MIDEAS: variants seen among roughly 807,000 people sequenced by gnomAD.
MIDEAS encodes the protein mitotic deacetylase associated SANT domain protein.
Under a neutral mutation model 102.7 loss-of-function variants are expected in MIDEAS, and 26 were observed. The ratio of observed to expected loss-of-function variants is 0.25; its 90% CI spans 0.19 to 0.35. The LOEUF (loss-of-function observed/expected upper bound fraction) is 0.35, where lower values mean the gene tolerates loss of function less well. Among genes scored for constraint, MIDEAS ranks in the 10% least tolerant of loss-of-function variants. The probability of loss-of-function intolerance (pLI) is 1.00; values close to 1 mark genes in which losing one functional copy is unlikely to be tolerated. For missense variants in MIDEAS, 1,231 were observed against 1,435.6 expected (o/e 0.86, Z 2.30); for synonymous variants, 585 against 591.0 (o/e 0.99, Z 0.15).
exon 1 of MIDEAS, chr14:73,787,235 G>C (rs1290037879): frequency 6.7e-6 from 1 of 148,516 alleles, no homozygotes; most frequent in Admixed American, 6.7e-5. Context: ...GGCCCGGGCT[G>C]TGCGGCCCGG....
intron 1 of MIDEAS, among the ~76,000 whole-genome samples, chr14:73,767,015 C>A (rs987387872): frequency 2.0e-5 from 3 of 151,956 alleles, no homozygotes; most frequent in Non-Finnish European, 4.4e-5. Context: ...CCACCACACC[C>A]AGCTAATTTT....
At position 73,753,535 on chromosome 14, in the gene MIDEAS, C is replaced by T. The variant is rs570459416; in HGVS notation, c.-248+6228G>A. Among the ~76,000 whole-genome samples, 76 of 152,334 alleles carry T rather than the reference C, an allele frequency of 5.0e-4. 1 individual carries two copies. In the South Asian group the frequency reaches 0.015, roughly 29 times the overall value. The stretch of plus-strand genomic sequence containing the variant: ...TCAATGAGGTAATACATAGATGAAG[C>T]GCCGCCTGGCACAGGGTACGCACTC... On this transcript the variant is annotated intron_variant, in intron 1 of 12. Coordinates refer to ENST00000423556, the MANE Select transcript of MIDEAS (RefSeq NM_001367710.1).
At position 73,740,076 on chromosome 14, in the gene MIDEAS, C is replaced by A; in HGVS notation, c.-68G>T. 1 of 1,412,150 alleles carries A rather than the reference C, an allele frequency of 7.1e-7. No individual in the cohort carries two copies. The highest frequency in any genetic ancestry group is 2.5e-5 in the East Asian group (1 of 39,524). 87.5% of individuals were successfully genotyped at this position (1,412,150 alleles called of 1,614,324 possible). ...GTCGCCCATCCCCTGGGGAAACGTC[C>A]TGCTGGAAGCCGGGCTCTAGTCCAG... On this transcript the variant is annotated 5_prime_UTR_variant, in exon 2 of 13. In the 5' UTR this introduces an upstream ATG that the reference lacks. Coordinates refer to ENST00000423556, the MANE Select transcript of MIDEAS (RefSeq NM_001367710.1).
rs201031364 is a variant in MIDEAS, at chr14:73,739,954, C to A, written c.55G>T (p.Gly19Trp). 2 of 1,514,694 alleles carry A rather than the reference C, an allele frequency of 1.3e-6. No homozygotes were observed. The highest frequency in any genetic ancestry group is 2.3e-5 in the Admixed American group (1 of 44,430). The allele number at this position is 1,514,694 out of a possible 1,614,324, so 93.8% of individuals were successfully genotyped here. ...TCCTTGGGAGCTGGTTCCTGGCCCC[C>A]GAAGAGGCAACGCTTCCGCTTGTTC... ...AQNKRKRCLF[G>W]GQEPAPKEQP... is the part of the protein sequence containing the mutation. Residue 19 changes from glycine (G) to tryptophan (W), a missense_variant, in exon 2 of 13, where the codon GGG (glycine) becomes TGG (tryptophan). Gly to Trp is a radical substitution (Grantham distance 184). Coordinates refer to ENST00000423556, the MANE Select transcript of MIDEAS (RefSeq NM_001367710.1).
chr14:73,740,531 ATCTG>A (rs1344733262), intron 1 of MIDEAS, among the ~76,000 whole-genome samples: 1 of 152,226 alleles, frequency 6.6e-6, no homozygotes, highest in Non-Finnish European at 1.5e-5. Context: ...GACTGCCTGC[ATCTG>A]TCTGTGTTAT....
At chr14:73,788,726 G>T (rs563157174), upstream of MIDEAS, among the ~76,000 whole-genome samples, 4 of 152,340 alleles carry the variant, frequency 2.6e-5, no homozygotes, top group African/African-American at 9.6e-5. Context: ...CTATTGTGGG[G>T]AGATGGTGAA....
chr14:73,732,723 T>C (rs745524680), intron 3 of MIDEAS, among the ~76,000 whole-genome samples: 10 of 140,632 alleles, frequency 7.1e-5, no homozygotes, highest in Non-Finnish European at 9.1e-5. Context: ...AAGACGGAGG[T>C]TGCAGTGAGT....
chr14:73,769,263 G>C (rs997741553), intron 1 of MIDEAS, among the ~76,000 whole-genome samples: 4 of 152,232 alleles, frequency 2.6e-5, no homozygotes, highest in East Asian at 1.9e-4. Flanking sequence ...GTGAGGAAGA[G>C]AGGACTTGCC....
At chr14:73,746,742 G>C (rs778405643) in intron 1 of MIDEAS, among the ~76,000 whole-genome samples, 7 of 152,134 alleles carry the variant, frequency 4.6e-5, no homozygotes, top group Non-Finnish European at 8.8e-5. Context: ...ACTCACAGGG[G>C]CCTCCCTTGC....
At chr14:73,719,941 G>A (rs938335912) in intron 11 of MIDEAS, among the ~76,000 whole-genome samples, 9 of 151,890 alleles carry the variant, frequency 5.9e-5, no homozygotes, top group Admixed American at 1.3e-4. Context: ...TGGTGGAAGG[G>A]ACAGATGCGC....
At chr14:73,777,080 T>A (rs556093339) in intron 1 of MIDEAS, among the ~76,000 whole-genome samples, 47 of 151,048 alleles carry the variant, frequency 3.1e-4, no homozygotes, top group Admixed American at 1.1e-3. Flanking sequence ...AAAAAATAAA[T>A]AAATAAATAA....
At position 73,715,420 on chromosome 14, in the gene MIDEAS, G is replaced by A. The variant is rs1357490144; in HGVS notation, c.*3423C>T. 3 of 152,524 alleles carry A rather than the reference G, an allele frequency of 2.0e-5. No homozygotes were observed. The highest frequency in any genetic ancestry group is 7.2e-5 in the African/African-American group (3 of 41,396). 9.4% of individuals were successfully genotyped at this position (152,524 alleles called of 1,614,324 possible). A position where few individuals can be genotyped will look rare whatever the true frequency, so the allele number is the denominator to read the frequency against. On this transcript the variant is annotated 3_prime_UTR_variant, in exon 13 of 13. Coordinates refer to ENST00000423556, the MANE Select transcript of MIDEAS (RefSeq NM_001367710.1). ...TGATCATTTTTGTTTCAAAATAAAA[G>A]GAATATACTTATTTATATGCTATTA... is the stretch of plus-strand genomic sequence containing the variant.
At chr14:73,729,452 C>G (rs1188276909) in intron 4 of MIDEAS, among the ~76,000 whole-genome samples, 188 bp downstream of exon 4, 1 of 152,218 alleles carries the variant, frequency 6.6e-6, no homozygotes, top group East Asian at 1.9e-4. Context: ...ATCCAAGCAG[C>G]TGGGCGGGCC....
chr14:73,774,667 T>C (rs2053674190), intron 1 of MIDEAS, among the ~76,000 whole-genome samples: 3 of 151,860 alleles, frequency 2.0e-5, no homozygotes, highest in African/African-American at 7.2e-5. Flanking sequence ...GATACAGGTT[T>C]TATACCCCCA....
At chr14:73,745,196 G>A (rs558861780) in intron 1 of MIDEAS, among the ~76,000 whole-genome samples, 39 of 152,280 alleles carry the variant, frequency 2.6e-4, no homozygotes, top group African/African-American at 5.8e-4. Context: ...GGCCCAGCCC[G>A]GGATCCCACC....
intron 1 of MIDEAS, chr14:73,758,802 C>T (rs528851956): frequency 1.2e-4 from 19 of 154,698 alleles, no homozygotes; most frequent in Admixed American, 1.2e-3. Context: ...GGTACCTCCT[C>T]CATGTCGGCC....
intron 1 of MIDEAS, among the ~76,000 whole-genome samples, chr14:73,756,295 T>TGTGTATGTGTGCGCGCGC (rs55692592): frequency 8.4e-4 from 107 of 127,718 alleles, no homozygotes; most frequent in African/African-American, 2.7e-3. Flanking sequence ...TGTGTGTGTG[T>TGTGTATGTGTGCGCGCGC]GCGCGCGCGC....
chr14:73,751,501 C>T (rs1296387297), intron 1 of MIDEAS, among the ~76,000 whole-genome samples: 1 of 152,184 alleles, frequency 6.6e-6, no homozygotes, highest in Non-Finnish European at 1.5e-5. Context: ...GTGATTACCT[C>T]CAGTGGGCCA....
chr14:73,757,743 C>T (rs2053502898), intron 1 of MIDEAS, among the ~76,000 whole-genome samples: 2 of 152,234 alleles, frequency 1.3e-5, no homozygotes, highest in Non-Finnish European at 1.5e-5. Flanking sequence ...GGCAGCCTTT[C>T]TCTGGGGACT....
Sources: gnomAD v4.1 joint callset for allele counts (sites outside exome capture counted in the v4.1 genomes callset) on GRCh38, gnomAD v4.1.1 for gene constraint, MANE v1.5 for transcripts, NCBI Gene and HGNC (gene_info 2026-07-23, HGNC 2026-07-21) for gene names.